ZC2HC1A: variants seen among roughly 807,000 people sequenced by gnomAD.
The protein encoded by ZC2HC1A is zinc finger C2HC domain-containing protein 1A.
In ZC2HC1A, 28 loss-of-function variants were observed where a neutral mutation model predicts 40.7. The ratio of observed to expected loss-of-function variants is 0.69; its 90% CI spans 0.51 to 0.94. The LOEUF (loss-of-function observed/expected upper bound fraction) is 0.94. Among genes scored for constraint, ZC2HC1A ranks in the 40% least tolerant of loss-of-function variants. ZC2HC1A has a pLI of 0.00. For synonymous variants in ZC2HC1A, 129 were observed against 129.2 expected (o/e 1.00, Z 0.01); for missense variants, 389 against 386.3 (o/e 1.01, Z -0.06).
chr8:78,711,595 A>G (rs1190617244), intron 7 of ZC2HC1A, among the ~76,000 whole-genome samples: 1 of 152,148 alleles, frequency 6.6e-6, no homozygotes, highest in African/African-American at 2.4e-5. Context: ...AATAAATAAT[A>G]TGAAGAGTAG....
At chr8:78,699,840 G>A (rs1320845142) in intron 7 of ZC2HC1A, among the ~76,000 whole-genome samples, 2 of 152,046 alleles carry the variant, frequency 1.3e-5, no homozygotes, top group African/African-American at 2.4e-5. Context: ...TGGTGTTTAT[G>A]TACTATATTT....
In ZC2HC1A at chr8:78,718,830, T is replaced by A. The variant is rs1202060637; in HGVS notation, c.*1337T>A. ...ATCAAACCTAAGAGAGCTTTGATCT[T>A]ACTGTAAAGGTACAAACAAATCTCT... On this transcript the variant is annotated 3_prime_UTR_variant, in exon 9 of 9. Coordinates refer to ENST00000263849, the MANE Select transcript of ZC2HC1A (RefSeq NM_016010.3). The A allele has an allele frequency of 6.6e-6, 1 of 151,792 alleles. No individual in the cohort carries two copies. Among genetic ancestry groups the A allele is most frequent in the Non-Finnish European group, 1.5e-5 (1 of 67,696 alleles). The allele number at this position is 151,792 out of a possible 1,614,324, so 9.4% of individuals were successfully genotyped here.
intron 7 of ZC2HC1A, among the ~76,000 whole-genome samples, chr8:78,708,713 T>C (rs1275836094): frequency 6.7e-6 from 1 of 150,350 alleles, no homozygotes; most frequent in Non-Finnish European, 1.5e-5. Context: ...GGAGTTTTGC[T>C]CTTGTTGCCC....
At chr8:78,697,243 A>C (rs1361757985) in intron 5 of ZC2HC1A, among the ~76,000 whole-genome samples, 164 bp from the exon 6 acceptor site, 1 of 152,220 alleles carries the variant, frequency 6.6e-6, no homozygotes, top group Non-Finnish European at 1.5e-5. Flanking sequence ...CAAGTGTTTT[A>C]ATACATTAAT....
At chr8:78,702,418 T>C (rs895914667) in intron 7 of ZC2HC1A, among the ~76,000 whole-genome samples, 2 of 152,188 alleles carry the variant, frequency 1.3e-5, no homozygotes, top group Non-Finnish European at 2.9e-5. Flanking sequence ...AAAAAGCAGC[T>C]CCTAGATTTG....
At chr8:78,668,187 C>T (rs1809354691) in intron 1 of ZC2HC1A, among the ~76,000 whole-genome samples, 1 of 152,020 alleles carries the variant, frequency 6.6e-6, no homozygotes, top group Non-Finnish European at 1.5e-5. Flanking sequence ...CCTAAGAGAT[C>T]ACACCTTGCA....
Position 78,715,207 on chromosome 8 carries a change from C to G in ZC2HC1A, c.705-14C>G. Reference sequence around the variant, plus strand: ...TGTTCAATACTTTTCCATTATTTTTCCTCTTTTTTATAGAGCTAATGTCAA... The same window carrying G: ...TGTTCAATACTTTTCCATTATTTTTGCTCTTTTTTATAGAGCTAATGTCAA... On this transcript the variant is annotated splice_polypyrimidine_tract_variant and intron_variant, in intron 7 of 8. Transcript: ENST00000263849. The G allele has an allele frequency of 6.2e-7, 1 of 1,607,538 alleles. No individual in the cohort carries two copies. The highest frequency in any genetic ancestry group is 8.5e-7 in the Non-Finnish European group (1 of 1,176,932).
intron 1 of ZC2HC1A, among the ~76,000 whole-genome samples, chr8:78,673,009 T>G (rs1809476674): frequency 6.6e-6 from 1 of 152,072 alleles, no homozygotes; most frequent in Non-Finnish European, 1.5e-5. Flanking sequence ...CAACCTGTCA[T>G]CTAGGTTTTA....
chr8:78,680,719 G>A (rs184391551), intron 3 of ZC2HC1A, among the ~76,000 whole-genome samples: 13 of 152,276 alleles, frequency 8.5e-5, no homozygotes, highest in Admixed American at 6.5e-4. Context: ...GAAATTACCC[G>A]TAAGAGGAGG....
At chr8:78,691,541 G>A (rs1810211349) in intron 5 of ZC2HC1A, among the ~76,000 whole-genome samples, 1 of 151,834 alleles carries the variant, frequency 6.6e-6, no homozygotes, top group African/African-American at 2.4e-5. Flanking sequence ...ACTTCATCTT[G>A]TTGGTCAAAA....
intron 7 of ZC2HC1A, among the ~76,000 whole-genome samples, chr8:78,703,771 C>G (rs542471700): frequency 6.6e-6 from 1 of 152,144 alleles, no homozygotes; most frequent in African/African-American, 2.4e-5. Context: ...GGTCATTTAG[C>G]CCATTTACAT....
At chr8:78,694,789 T>C (rs796623995) in intron 5 of ZC2HC1A, among the ~76,000 whole-genome samples, 1 of 152,176 alleles carries the variant, frequency 6.6e-6, no homozygotes, top group South Asian at 2.1e-4. Flanking sequence ...ATGTATGAGA[T>C]TTGTGAGCAG....
At chr8:78,694,185 A>G (rs1243707125) in intron 5 of ZC2HC1A, among the ~76,000 whole-genome samples, 1 of 151,434 alleles carries the variant, frequency 6.6e-6, no homozygotes, top group Non-Finnish European at 1.5e-5. Flanking sequence ...TAATATTTTC[A>G]TAGTTGTCTG....
At chr8:78,701,678 T>A (rs1330766916) in intron 7 of ZC2HC1A, among the ~76,000 whole-genome samples, 2 of 152,230 alleles carry the variant, frequency 1.3e-5, no homozygotes, top group Non-Finnish European at 2.9e-5. Context: ...CAATACCTAG[T>A]TTATTGAGAG....
At chr8:78,704,534 T>G (rs761339833) in intron 7 of ZC2HC1A, among the ~76,000 whole-genome samples, 1 of 152,196 alleles carries the variant, frequency 6.6e-6, no homozygotes, top group African/African-American at 2.4e-5. Context: ...TTAACATTTC[T>G]TCTTTCATTT....
rs1810460515 is a variant in ZC2HC1A at position 78,697,430 on chromosome 8, G to A, written c.528G>A (p.Lys176=). Reference sequence around the variant, plus strand: ...AGTATAAGCCACCCGCACTTAAAAAGTCAAATTCTCCTGGAACTGCATCAT... The same window carrying A: ...AGTATAAGCCACCCGCACTTAAAAAATCAAATTCTCCTGGAACTGCATCAT... The part of the protein sequence containing the change: ...TQVYKPPALK[K]SNSPGTASSG... The change falls in exon 6 of 9, where the codon AAG becomes AAA. Residue 176 remains lysine (K), a synonymous_variant. Transcript: ENST00000263849. 6.2e-7 allele frequency: 1 copy of A among 1,601,276 alleles called. No homozygotes were observed. The highest frequency in any genetic ancestry group is 1.4e-5 in the African/African-American group (1 of 73,928).
At chr8:78,710,731 A>G (rs560618379) in intron 7 of ZC2HC1A, among the ~76,000 whole-genome samples, 2 of 152,180 alleles carry the variant, frequency 1.3e-5, no homozygotes, top group Admixed American at 6.5e-5. Flanking sequence ...TTGTACTTTA[A>G]CAAATTAAAA....
chr8:78,667,116 G>A (rs1447392326), intron 1 of ZC2HC1A, among the ~76,000 whole-genome samples: 2 of 152,204 alleles, frequency 1.3e-5, no homozygotes, highest in African/African-American at 4.8e-5. Context: ...TGAGTCTTGT[G>A]TATTGTTGCA....
At chr8:78,667,770 G>A (rs1809341001) in intron 1 of ZC2HC1A, among the ~76,000 whole-genome samples, 1 of 152,056 alleles carries the variant, frequency 6.6e-6, no homozygotes, top group African/African-American at 2.4e-5. Flanking sequence ...CATTTTAACA[G>A]TGCTAAGATA....
Sources: allele counts gnomAD v4.1 joint callset (sites outside exome capture counted in the v4.1 genomes callset), GRCh38; gene constraint gnomAD v4.1.1; transcripts MANE v1.5; gene names NCBI Gene and HGNC (gene_info 2026-07-23, HGNC 2026-07-21).